Variants in GTF2H1 observed in about 807,000 individuals in gnomAD.
The protein encoded by GTF2H1 is BTF2 p62.
A neutral mutation model predicts 71.2 loss-of-function variants in GTF2H1; 16 were observed. That is an observed-to-expected ratio of 0.22 (90% CI 0.15 to 0.34). The LOEUF (loss-of-function observed/expected upper bound fraction) is 0.34, where lower values mean the gene tolerates loss of function less well. Among genes scored for constraint, GTF2H1 ranks in the 10% least tolerant of loss-of-function variants. The pLI, the probability that GTF2H1 is intolerant of heterozygous loss-of-function variation, is 1.00. For synonymous variants in GTF2H1, 215 were observed against 219.0 expected (o/e 0.98, Z 0.16); for missense variants, 498 against 648.2 (o/e 0.77, Z 2.52).
intron 14 of GTF2H1, among the ~76,000 whole-genome samples, chr11:18,362,701 A>T: frequency 8.4e-6 from 1 of 118,918 alleles, no homozygotes; most frequent in Non-Finnish European, 1.6e-5. Context: ...GATGGAGTCT[A>T]GTTCTGTCGC....
chr11:18,340,111 TAGGAATCTCTCTCTC>T (rs1865123733), intron 5 of GTF2H1, among the ~76,000 whole-genome samples: 1 of 152,078 alleles, frequency 6.6e-6, no homozygotes, highest in African/African-American at 2.4e-5. Context: ...TTTAGTCCCT[TAGGAATCTCTCTCTC>T]AGGACTCAGC....
chr11:18,347,463 A>T, intron 7 of GTF2H1, 125 bp from the exon 8 acceptor site: 1 of 598,960 alleles, frequency 1.7e-6, no homozygotes, highest in South Asian at 2.7e-5. Context: ...TTTGTTCATA[A>T]ATATTTAATG....
chr11:18,335,924 A>G lies in GTF2H1; in HGVS notation c.325A>G (p.Lys109Glu). The G allele has an allele frequency of 6.2e-7, 1 of 1,614,008 alleles. No individual in the cohort carries two copies. Among genetic ancestry groups the G allele is most frequent in the Non-Finnish European group, 8.5e-7 (1 of 1,179,866 alleles). Residue 109 changes from lysine to glutamate, a missense_variant, in exon 3 of 15, where the codon AAA becomes GAA. By Grantham distance (56) the Lys-to-Glu change is moderately conservative (BLOSUM62 1). Around this residue, in one of 3 missense-constraint regions of GTF2H1, gnomAD observed 216 missense variants for 306.2 expected, o/e 0.71. Transcript: ENST00000265963. ...LLPKFKRKAN[K>E]ELEEKNRMLQ... ...GCCCAAATTCAAGAGGAAAGCAAAT[A>G]AAGAACTGGAAGAGAAGAACAGGTG...
chr11:18,337,381 G>A (rs900889466), intron 3 of GTF2H1, among the ~76,000 whole-genome samples: 1 of 152,108 alleles, frequency 6.6e-6, no homozygotes, highest in Non-Finnish European at 1.5e-5. Flanking sequence ...GGAGGCAAAG[G>A]CTGCAGTGAG....
intron 7 of GTF2H1, among the ~76,000 whole-genome samples, chr11:18,342,264 T>G (rs1297504108): frequency 2.2e-5 from 3 of 134,074 alleles, no homozygotes; most frequent in African/African-American, 9.0e-5. Context: ...TTTTTTTTTT[T>G]TTTTTTTTTT....
intron 1 of GTF2H1, among the ~76,000 whole-genome samples, chr11:18,325,158 C>G (rs1261097287): frequency 6.6e-6 from 1 of 152,174 alleles, no homozygotes; most frequent in African/African-American, 2.4e-5. Context: ...TTGTTGCTCC[C>G]TATCTCCTCT....
At chr11:18,360,772 T>A in intron 14 of GTF2H1, 65 bp downstream of exon 14, 1 of 888,754 alleles carries the variant, frequency 1.1e-6, no homozygotes. Flanking sequence ...TGAAATTGAT[T>A]TTGCTTTCAT....
chr11:18,349,332 C>G (rs1246378349), intron 9 of GTF2H1, among the ~76,000 whole-genome samples: 1 of 152,082 alleles, frequency 6.6e-6, no homozygotes. Flanking sequence ...TTAAGTGATA[C>G]TTTCTTTGTA....
chr11:18,357,825 G>T, intron 11 of GTF2H1, 127 bp from the exon 12 acceptor site: 1 of 704,764 alleles, frequency 1.4e-6, no homozygotes, highest in Admixed American at 2.1e-5. Flanking sequence ...CACTGTAAAT[G>T]ATGTAGTATT....
chr11:18,352,490 C>T, intron 11 of GTF2H1, 44 bp downstream of exon 11: 1 of 786,724 alleles, frequency 1.3e-6, no homozygotes, highest in Non-Finnish European at 2.3e-6. Flanking sequence ...CCCATAGTTC[C>T]TTCCTCAGTT....
intron 13 of GTF2H1, among the ~76,000 whole-genome samples, chr11:18,360,227 AT>A (rs34554228): frequency 0.42 from 63,248 of 151,866 alleles, 15,446 homozygotes; most frequent in East Asian, 0.59. Context: ...GGTTCAACCA[AT>A]TTTCCTGCCT....
chr11:18,343,336 G>A (rs1865206124), intron 7 of GTF2H1, among the ~76,000 whole-genome samples: 1 of 152,162 alleles, frequency 6.6e-6, no homozygotes, highest in African/African-American at 2.4e-5. Flanking sequence ...GTAGGTAATA[G>A]GCATTATTGT....
At chr11:18,362,074 T>C (rs759353212) in intron 14 of GTF2H1, among the ~76,000 whole-genome samples, 1 of 152,254 alleles carries the variant, frequency 6.6e-6, no homozygotes, top group African/African-American at 2.4e-5. Context: ...TGTATGAACC[T>C]CACAGAGTGT....
At chr11:18,343,562 T>C (rs766894132) in intron 7 of GTF2H1, among the ~76,000 whole-genome samples, 7 of 152,196 alleles carry the variant, frequency 4.6e-5, no homozygotes, top group South Asian at 4.1e-4. Context: ...TTACTAGATA[T>C]GGGGAACAGG....
At chr11:18,337,314 C>T (rs116204705) in intron 3 of GTF2H1, among the ~76,000 whole-genome samples, 4,091 of 151,986 alleles carry the variant, frequency 0.027, 83 homozygotes, top group African/African-American at 0.053. Context: ...GGTGTAGTGG[C>T]GCATACCTGT....
At chr11:18,353,712 G>T (rs556817727) in intron 11 of GTF2H1, among the ~76,000 whole-genome samples, 2 of 152,212 alleles carry the variant, frequency 1.3e-5, no homozygotes, top group African/African-American at 4.8e-5. Flanking sequence ...CACACATCAA[G>T]ACTTACTTTT....
chr11:18,323,218 C>A (rs1864589755), intron 1 of GTF2H1, among the ~76,000 whole-genome samples: 1 of 152,148 alleles, frequency 6.6e-6, no homozygotes, highest in Non-Finnish European at 1.5e-5. Context: ...GAAAAATAGA[C>A]CATGAGTACC....
chr11:18,335,558 T>C (rs1865005096), intron 2 of GTF2H1, among the ~76,000 whole-genome samples, 196 bp from the exon 3 acceptor site: 1 of 151,856 alleles, frequency 6.6e-6, no homozygotes, highest in African/African-American at 2.4e-5. Context: ...GGAAGCAGAG[T>C]GTTAGTGAGT....
intron 5 of GTF2H1, 24 bp from the exon 6 acceptor site, chr11:18,341,237 A>G: frequency 1.9e-6 from 3 of 1,591,376 alleles, no homozygotes; most frequent in Non-Finnish European, 2.6e-6. Flanking sequence ...TCAGTATATA[A>G]TATTTGTGGG....
Sources: gnomAD v4.1 joint callset for allele counts (sites outside exome capture counted in the v4.1 genomes callset) on GRCh38, gnomAD v4.1.1 for gene constraint, gnomAD v4.1.1 regional missense constraint, MANE v1.5 for transcripts, NCBI Gene and HGNC (gene_info 2026-07-23, HGNC 2026-07-21) for gene names.